The following FAT3 variants were observed in gnomAD, a reference collection of about 807,000 sequenced individuals.
FAT3 encodes protocadherin Fat 3.
FAT3 carries 95 observed loss-of-function variants against 310.2 expected under a neutral mutation model. That is an observed-to-expected ratio of 0.31 (90% CI 0.26 to 0.36). The LOEUF (loss-of-function observed/expected upper bound fraction) is 0.36. Ranked by LOEUF, FAT3 falls within the 10% of genes least tolerant of loss-of-function variation. The pLI is 1.00. For synonymous variants in FAT3, 2,314 were observed against 2,192.9 expected (o/e 1.06, Z -1.54); for missense variants, 5,408 against 5,715.6 (o/e 0.95, Z 1.74).
chr11:92,857,476 T>A, intron 20 of FAT3, 128 bp downstream of exon 20: 1 of 1,248,602 alleles, frequency 8.0e-7, no homozygotes, highest in Non-Finnish European at 1.1e-6. Context: ...TCCTTTAGAA[T>A]GGACCACAGC....
chr11:92,497,809 A>G (rs1952809965), intron 2 of FAT3, among the ~76,000 whole-genome samples: 1 of 152,036 alleles, frequency 6.6e-6, no homozygotes, highest in Non-Finnish European at 1.5e-5. Context: ...CAGCCCAGCA[A>G]TTAGATGGAG....
intron 2 of FAT3, among the ~76,000 whole-genome samples, chr11:92,501,441 C>A (rs892230287): frequency 1.3e-5 from 2 of 152,008 alleles, no homozygotes; most frequent in Middle Eastern, 3.2e-3. Context: ...CTTGTGGAAG[C>A]CTGTAAATAG....
At chr11:92,268,572 C>T (rs12273198) in intron 1 of FAT3, among the ~76,000 whole-genome samples, 76,742 of 151,630 alleles carry the variant, frequency 0.51, 19,626 homozygotes, top group Non-Finnish European at 0.54. Flanking sequence ...AGTTTGGTTC[C>T]TTGCGTAGAT....
At chr11:92,494,783 C>A (rs1952706178) in intron 2 of FAT3, among the ~76,000 whole-genome samples, 1 of 152,040 alleles carries the variant, frequency 6.6e-6, no homozygotes, top group African/African-American at 2.4e-5. Flanking sequence ...CTTAACAGAA[C>A]ATGTGGAAAA....
At chr11:92,249,748 AC>A (rs1865065308) in intron 1 of FAT3, among the ~76,000 whole-genome samples, 1 of 152,026 alleles carries the variant, frequency 6.6e-6, no homozygotes, top group African/African-American at 2.4e-5. Flanking sequence ...CCTTATAAAA[AC>A]CTGAGGTGCC....
At chr11:92,697,311 G>T (rs1943971367) in intron 3 of FAT3, 73 bp from the exon 4 acceptor site, 1 of 1,384,404 alleles carries the variant, frequency 7.2e-7, no homozygotes, top group South Asian at 1.2e-5. Flanking sequence ...CCTTTAACTG[G>T]ACTTGTTTCC....
rs376845377 is a variant in FAT3, at chr11:92,269,264, A to G, written c.-18+44090A>G. Reference sequence around the variant, plus strand: ...GAGAGATGCATAGTCTTAATGAGCTAGAAACATTCTTTCGCCTGGCCATTT... The same window carrying G: ...GAGAGATGCATAGTCTTAATGAGCTGGAAACATTCTTTCGCCTGGCCATTT... On this transcript the variant is annotated intron_variant, in intron 1 of 27. Coordinates refer to ENST00000525166, the MANE Select transcript of FAT3 (RefSeq NM_001367949.2). Among the ~76,000 whole-genome samples the G allele has an allele frequency of 4.6e-5, 7 of 152,282 alleles. No homozygotes were observed. The East Asian group carries it at 9.7e-4, about 21-fold the overall frequency.
At chr11:92,761,011 C>T (rs993737617) in intron 4 of FAT3, among the ~76,000 whole-genome samples, 10 of 152,158 alleles carry the variant, frequency 6.6e-5, no homozygotes, top group African/African-American at 2.4e-4. Context: ...TAAAATCAGA[C>T]ATCAAACAGT....
At chr11:92,343,200 A>G (rs1282072935) in intron 1 of FAT3, among the ~76,000 whole-genome samples, 3 of 152,170 alleles carry the variant, frequency 2.0e-5, no homozygotes, top group Admixed American at 6.5e-5. Context: ...CCACTCTTAG[A>G]CAGGAAGATT....
At chr11:92,413,654 A>G (rs1182201751) in intron 2 of FAT3, among the ~76,000 whole-genome samples, 1 of 152,222 alleles carries the variant, frequency 6.6e-6, no homozygotes, top group Non-Finnish European at 1.5e-5. Flanking sequence ...CTGAATGTCT[A>G]GAATTTCAGC....
chr11:92,737,346 A>G (rs1341532949), intron 4 of FAT3, among the ~76,000 whole-genome samples: 1 of 152,128 alleles, frequency 6.6e-6, no homozygotes, highest in East Asian at 1.9e-4. Flanking sequence ...CATGGTACTT[A>G]AAATCTAAGG....
intron 3 of FAT3, among the ~76,000 whole-genome samples, chr11:92,690,732 G>A (rs1432892137): frequency 6.6e-6 from 1 of 152,028 alleles, no homozygotes; most frequent in Non-Finnish European, 1.5e-5. Flanking sequence ...TACTATGCAT[G>A]CATTTCATTT....
At chr11:92,693,621 A>G (rs774987528) in intron 3 of FAT3, among the ~76,000 whole-genome samples, 2 of 152,184 alleles carry the variant, frequency 1.3e-5, no homozygotes, top group African/African-American at 4.8e-5. Flanking sequence ...GGCTCACTGC[A>G]TTCTTTTCTG....
intron 2 of FAT3, among the ~76,000 whole-genome samples, chr11:92,463,859 A>G (rs1951696522): frequency 6.6e-6 from 1 of 152,182 alleles, no homozygotes; most frequent in African/African-American, 2.4e-5. Context: ...TCGGTGTGAC[A>G]TTGGATGTTT....
intron 12 of FAT3, among the ~76,000 whole-genome samples, chr11:92,808,950 T>G (rs1294088232): frequency 6.6e-6 from 1 of 152,026 alleles, no homozygotes; most frequent in African/African-American, 2.4e-5. Context: ...ATAAAATAAA[T>G]AAATAAATGA....
At chr11:92,256,003 C>T (rs551676565) in intron 1 of FAT3, among the ~76,000 whole-genome samples, 2 of 152,154 alleles carry the variant, frequency 1.3e-5, no homozygotes, top group Non-Finnish European at 2.9e-5. Flanking sequence ...GTGTTGCACT[C>T]TGCTGTAAAT....
chr11:92,857,154 C>T, intron 19 of FAT3, 60 bp from the exon 20 acceptor site: 3 of 1,612,098 alleles, frequency 1.9e-6, no homozygotes, highest in Middle Eastern at 1.7e-4. Context: ...TTCTATCTTC[C>T]CTGGAGTGCA....
chr11:92,573,409 G>A (rs1256070921), intron 3 of FAT3, among the ~76,000 whole-genome samples: 1 of 152,080 alleles, frequency 6.6e-6, no homozygotes, highest in African/African-American at 2.4e-5. Context: ...TATTGGATGT[G>A]AACACAAACA....
chr11:92,782,974 A>G (rs150927536), intron 7 of FAT3, among the ~76,000 whole-genome samples: 1 of 152,300 alleles, frequency 6.6e-6, no homozygotes, highest in East Asian at 1.9e-4. Context: ...CTGCTCTATG[A>G]TTCACTAGAA....
Sources: gnomAD v4.1 joint callset for allele counts (sites outside exome capture counted in the v4.1 genomes callset) on GRCh38, gnomAD v4.1.1 for gene constraint, MANE v1.5 for transcripts, NCBI Gene and HGNC (gene_info 2026-07-23, HGNC 2026-07-21) for gene names.